Variants in DMD observed in about 807,000 individuals in gnomAD.
DMD encodes dystrophin, also known as mutant dystrophin.
A neutral mutation model predicts 330.1 loss-of-function variants in DMD; 63 were observed. The ratio of observed to expected loss-of-function variants is 0.19; its 90% CI spans 0.16 to 0.24. The LOEUF (loss-of-function observed/expected upper bound fraction) is 0.24. DMD is among the 10% of genes least tolerant of loss of function. The pLI is 1.00. For missense variants in DMD, 3,344 were observed against 2,684.1 expected (o/e 1.25, Z -5.43); for synonymous variants, 1,223 against 959.8 (o/e 1.27, Z -5.07).
intron 8 of DMD, 99 bp downstream of exon 8, chrX:32,699,013 T>C (rs2063876171): frequency 9.8e-6 from 7 of 716,065 alleles, no homozygotes; most frequent in Non-Finnish European, 4.4e-6. Context: ...TATACACGTG[T>C]ATATACATAT....
At chrX:31,960,136 A>T (rs2095288684) in intron 45 of DMD, among the ~76,000 whole-genome samples, 1 of 108,221 alleles carries the variant, frequency 9.2e-6, no homozygotes, top group African/African-American at 3.4e-5. Flanking sequence ...CAATTCTCTT[A>T]TCTTTTCATT....
chrX:32,820,020 C>G (rs1160841210), intron 5 of DMD, among the ~76,000 whole-genome samples: 2 of 111,139 alleles, frequency 1.8e-5, no homozygotes, highest in Non-Finnish European at 3.8e-5. Flanking sequence ...CTTGCAGTCT[C>G]AAGGATATGG....
chrX:31,520,929 T>C (rs779992730), intron 55 of DMD, among the ~76,000 whole-genome samples: 6 of 111,117 alleles, frequency 5.4e-5, no homozygotes, highest in Admixed American at 1.9e-4. Context: ...TCTGCCCACC[T>C]CAGCCTCCCA....
intron 54 of DMD, among the ~76,000 whole-genome samples, chrX:31,631,798 G>A (rs1053666603): frequency 8.9e-6 from 1 of 111,916 alleles, no homozygotes; most frequent in Non-Finnish European, 1.9e-5. Flanking sequence ...TCTCCAAAGG[G>A]AACAAGATGG....
intron 62 of DMD, among the ~76,000 whole-genome samples, chrX:31,282,274 G>A (rs187993582): frequency 1.8e-5 from 2 of 111,731 alleles, no homozygotes; most frequent in Admixed American, 9.5e-5. Flanking sequence ...ATGTAATGAC[G>A]TGTGCAAAAC....
intron 50 of DMD, among the ~76,000 whole-genome samples, chrX:31,779,273 A>T (rs1293060956): frequency 1.8e-5 from 2 of 111,896 alleles, no homozygotes; most frequent in Non-Finnish European, 3.8e-5. Context: ...GTCATCCCTA[A>T]GGAGCATGGG....
chrX:32,773,856 C>A (rs2073887567), intron 7 of DMD, among the ~76,000 whole-genome samples: 1 of 111,803 alleles, frequency 8.9e-6, no homozygotes. Context: ...TACAACCTAT[C>A]CATATTCTGT....
At chrX:32,571,170 T>C (rs1361116611) in intron 15 of DMD, among the ~76,000 whole-genome samples, 1 of 111,949 alleles carries the variant, frequency 8.9e-6, no homozygotes, top group South Asian at 3.7e-4. Flanking sequence ...TAACTAGCAA[T>C]ATATCTTCGC....
intron 2 of DMD, among the ~76,000 whole-genome samples, chrX:33,003,513 T>A (rs1368403435): frequency 1.3e-4 from 15 of 111,979 alleles, no homozygotes; most frequent in African/African-American, 4.5e-4. Flanking sequence ...AGAAAATATA[T>A]AATATACAGT....
intron 1 of DMD, among the ~76,000 whole-genome samples, chrX:33,272,160 AG>A (rs1468594382): frequency 8.9e-6 from 1 of 112,543 alleles, no homozygotes; most frequent in Non-Finnish European, 1.9e-5. Context: ...CTGGGATTAC[AG>A]GCGTGAGCCT....
At chrX:33,260,475 C>G (rs2052936647) in intron 1 of DMD, among the ~76,000 whole-genome samples, 1 of 110,862 alleles carries the variant, frequency 9.0e-6, no homozygotes, top group African/African-American at 3.3e-5. Flanking sequence ...AAAACATCAT[C>G]AGAGAATTAA....
intron 9 of DMD, among the ~76,000 whole-genome samples, chrX:32,650,687 A>T (rs993494289): frequency 8.9e-5 from 10 of 112,240 alleles, no homozygotes; most frequent in African/African-American, 2.9e-4. Flanking sequence ...CAACCTAATG[A>T]CACTATTAAA....
At chrX:31,333,982 G>C (rs1331476578) in intron 61 of DMD, among the ~76,000 whole-genome samples, 1 of 110,272 alleles carries the variant, frequency 9.1e-6, no homozygotes, top group Non-Finnish European at 1.9e-5. Context: ...ACCCAGGCTG[G>C]AGCGCAATGG....
At chrX:31,863,861 C>G (rs112268057) in intron 48 of DMD, among the ~76,000 whole-genome samples, 5,435 of 110,306 alleles carry the variant, frequency 0.049, 110 homozygotes, top group Middle Eastern at 0.087. Flanking sequence ...AAATATGTAT[C>G]ACATATTTAT....
At chrX:31,189,385 C>T (rs961502363) in intron 67 of DMD, among the ~76,000 whole-genome samples, 3 of 111,292 alleles carry the variant, frequency 2.7e-5, no homozygotes, top group Non-Finnish European at 3.8e-5. Flanking sequence ...TCCACGCATA[C>T]GCAAGTCCCA....
intron 16 of DMD, among the ~76,000 whole-genome samples, chrX:32,553,103 G>A (rs1030126421): frequency 9.0e-6 from 1 of 111,648 alleles, no homozygotes; most frequent in Non-Finnish European, 1.9e-5. Context: ...CAACCCTAAA[G>A]ACACATGCAC....
chrX:32,114,362 A>G lies in DMD; in HGVS notation c.6438+102554T>C, dbSNP rs1463983421. Among the ~76,000 whole-genome samples the G allele has an allele frequency of 3.6e-5, 4 of 111,412 alleles. No individual in the cohort carries two copies. The Admixed American group carries it at 3.8e-4, about 11-fold the overall frequency. On this transcript the variant is annotated intron_variant, in intron 44 of 78. Transcript: ENST00000357033. ...TATCCATCCTGTGTAGCCCTTCTAA[A>G]AAGAATCTTTGAATATATACTTTTA... is the stretch of plus-strand genomic sequence containing the variant.
intron 1 of DMD, among the ~76,000 whole-genome samples, chrX:33,143,897 A>T (rs1373551607): frequency 8.9e-6 from 1 of 111,896 alleles, no homozygotes; most frequent in African/African-American, 3.2e-5. Context: ...CCAAGCAAGA[A>T]AATGCAATCT....
At chrX:32,700,690 A>G (rs1283272848) in intron 7 of DMD, among the ~76,000 whole-genome samples, 1 of 111,694 alleles carries the variant, frequency 9.0e-6, no homozygotes, top group Non-Finnish European at 1.9e-5. Flanking sequence ...TTTTTTAATC[A>G]TTAATGAATA....
Sources: gnomAD v4.1 joint callset for allele counts (sites outside exome capture counted in the v4.1 genomes callset) on GRCh38, gnomAD v4.1.1 for gene constraint, MANE v1.5 for transcripts, NCBI Gene and HGNC (gene_info 2026-07-23, HGNC 2026-07-21) for gene names.